Variants in NRXN1 observed in about 807,000 individuals in gnomAD.
NRXN1 encodes the protein neurexin 1.
A neutral mutation model predicts 150.9 loss-of-function variants in NRXN1; 39 were observed. The observed-to-expected ratio is 0.26, with a 90% CI of 0.20 to 0.34. The LOEUF is 0.34. NRXN1 is among the 10% of genes least tolerant of loss of function. NRXN1 has a pLI of 1.00. For synonymous variants in NRXN1, 924 were observed against 757.0 expected, an observed-to-expected ratio of 1.22 and a Z score of -3.62; for missense variants, 1,815 against 1,949.9, an observed-to-expected ratio of 0.93 and a Z score of 1.30.
intron 22 of NRXN1, among the ~76,000 whole-genome samples, chr2:49,939,557 T>C (rs2104329448): frequency 6.6e-6 from 1 of 152,306 alleles, no homozygotes; most frequent in East Asian, 1.9e-4. Context: ...TTGAGTTCCA[T>C]GTGTTCCCAC....
intron 5 of NRXN1, among the ~76,000 whole-genome samples, chr2:50,759,870 G>GTGTC (rs1701599819): frequency 7.4e-6 from 1 of 136,054 alleles, no homozygotes; most frequent in Admixed American, 7.6e-5. Context: ...GTGTGTGTGT[G>GTGTC]ACTTAATCAA....
At chr2:50,855,218 C>A (rs1675099594) in intron 5 of NRXN1, among the ~76,000 whole-genome samples, 1 of 151,790 alleles carries the variant, frequency 6.6e-6, no homozygotes, top group Admixed American at 6.6e-5. Flanking sequence ...TTCAAGTAGA[C>A]TTCATAAAGA....
intron 2 of NRXN1, among the ~76,000 whole-genome samples, chr2:51,004,656 T>A (rs890927216): frequency 6.8e-6 from 1 of 147,788 alleles, no homozygotes; most frequent in South Asian, 2.2e-4. Flanking sequence ...AATAAATAAA[T>A]AAACAAATAA....
At chr2:51,016,549 A>G (rs953646020) in intron 2 of NRXN1, among the ~76,000 whole-genome samples, 26 of 152,168 alleles carry the variant, frequency 1.7e-4, no homozygotes, top group African/African-American at 6.0e-4. Flanking sequence ...CAAAACCACA[A>G]TGAGATACCA....
At chr2:50,816,557 C>G (rs1158212815) in intron 5 of NRXN1, among the ~76,000 whole-genome samples, 1 of 152,028 alleles carries the variant, frequency 6.6e-6, no homozygotes, top group East Asian at 1.9e-4. Context: ...ATTTATCTTG[C>G]GTTATGCTTT....
intron 5 of NRXN1, among the ~76,000 whole-genome samples, chr2:50,735,249 T>G (rs966680372): frequency 6.6e-6 from 1 of 152,068 alleles, no homozygotes; most frequent in Non-Finnish European, 1.5e-5. Flanking sequence ...ACCAAATCAA[T>G]ATTTACATAT....
intron 17 of NRXN1, among the ~76,000 whole-genome samples, chr2:50,268,147 G>A (rs2152920386): frequency 6.6e-6 from 1 of 152,204 alleles, no homozygotes; most frequent in Non-Finnish European, 1.5e-5. Flanking sequence ...CAGAGATTGT[G>A]CCACTTCACT....
intron 2 of NRXN1, among the ~76,000 whole-genome samples, chr2:51,005,739 T>C (rs68180403): frequency 0.23 from 34,580 of 151,690 alleles, 4,260 homozygotes; most frequent in Non-Finnish European, 0.29. Context: ...AAATACAAAA[T>C]AACCATAAAA....
chr2:50,160,661 A>C (rs1230785439), intron 18 of NRXN1, among the ~76,000 whole-genome samples: 2 of 152,164 alleles, frequency 1.3e-5, no homozygotes, highest in Non-Finnish European at 2.9e-5. Context: ...AGATTGCTCA[A>C]AAAAAGACTC....
intron 9 of NRXN1, chr2:50,551,153 A>G (rs1188562319): frequency 5.3e-5 from 8 of 151,998 alleles, no homozygotes; most frequent in African/African-American, 2.0e-4. Context: ...TGGTAATTCA[A>G]TTCCTTGTAG....
At chr2:50,991,639 C>G (rs936425537) in intron 2 of NRXN1, among the ~76,000 whole-genome samples, 1 of 151,934 alleles carries the variant, frequency 6.6e-6, no homozygotes, top group Admixed American at 6.6e-5. Flanking sequence ...GTCAATGAGG[C>G]CTTTGCACTT....
At chr2:50,738,653 A>G (rs1204201233) in intron 5 of NRXN1, among the ~76,000 whole-genome samples, 4 of 152,192 alleles carry the variant, frequency 2.6e-5, no homozygotes, top group Non-Finnish European at 1.5e-5. Flanking sequence ...TGGCAATCCG[A>G]TAAAACCTTT....
intron 8 of NRXN1, among the ~76,000 whole-genome samples, chr2:50,553,914 C>T (rs1398809808): frequency 6.6e-6 from 1 of 152,152 alleles, no homozygotes; most frequent in African/African-American, 2.4e-5. Flanking sequence ...TATCCCTTCA[C>T]GCTAATAAAT....
At chr2:50,430,274 T>G (rs1405002524) in intron 17 of NRXN1, among the ~76,000 whole-genome samples, 1 of 152,138 alleles carries the variant, frequency 6.6e-6, no homozygotes, top group Non-Finnish European at 1.5e-5. Context: ...GGGACCTATG[T>G]GCAAATTTTT....
chr2:50,490,153 T>G (rs1484218704), intron 15 of NRXN1, among the ~76,000 whole-genome samples: 3 of 152,210 alleles, frequency 2.0e-5, no homozygotes, highest in African/African-American at 7.2e-5. Context: ...ATTGTCTTTG[T>G]TCTGTACCAT....
chr2:50,168,832 T>G (rs892805040), intron 18 of NRXN1, among the ~76,000 whole-genome samples: 2 of 152,336 alleles, frequency 1.3e-5, no homozygotes, highest in Middle Eastern at 3.4e-3. Context: ...AGGCAGCTGA[T>G]GGTGATTTCG....
At chr2:50,274,304 C>T (rs931476854) in intron 17 of NRXN1, among the ~76,000 whole-genome samples, 3 of 152,086 alleles carry the variant, frequency 2.0e-5, no homozygotes, top group African/African-American at 7.2e-5. Flanking sequence ...GAACAGGAAA[C>T]CAAACACTGC....
intron 21 of NRXN1, among the ~76,000 whole-genome samples, chr2:50,044,553 TAA>T (rs1242100931): frequency 6.6e-6 from 1 of 152,204 alleles, no homozygotes; most frequent in East Asian, 1.9e-4. Flanking sequence ...TGCTTGTTAT[TAA>T]AAAGAGTCTA....
At chr2:50,988,062 G>A (rs2104955085) in intron 2 of NRXN1, among the ~76,000 whole-genome samples, 1 of 151,990 alleles carries the variant, frequency 6.6e-6, no homozygotes, top group Admixed American at 6.6e-5. Context: ...GTCTATTCAG[G>A]GAACTGGGAT....
Sources: allele counts gnomAD v4.1 joint callset (sites outside exome capture counted in the v4.1 genomes callset), GRCh38; gene constraint gnomAD v4.1.1; transcripts MANE v1.5; gene names NCBI Gene and HGNC (gene_info 2026-07-23, HGNC 2026-07-21).